REC114: variants seen among roughly 807,000 people sequenced by gnomAD.
The protein encoded by REC114 is REC114 meiotic recombination protein.
Under a neutral mutation model 31.3 loss-of-function variants are expected in REC114, and 27 were observed. The ratio of observed to expected loss-of-function variants is 0.86; its 90% confidence interval spans 0.64 to 1.19. REC114 has a LOEUF of 1.19. Ranked by LOEUF, REC114 falls within the 50% of genes most tolerant of loss-of-function variation. The pLI, the probability that REC114 is intolerant of heterozygous loss-of-function variation, is 0.00. For synonymous variants in REC114, 134 were observed against 127.7 expected (o/e 1.05, Z -0.33); for missense variants, 344 against 326.9 (o/e 1.05, Z -0.40).
At chr15:73,502,156 T>A (rs75560666) in intron 2 of REC114, among the ~76,000 whole-genome samples, 1 of 147,442 alleles carries the variant, frequency 6.8e-6, no homozygotes. Context: ...CCTTGTCTCT[T>A]AAAAAAAAAA....
At chr15:73,464,808 G>C (rs1013886287) in intron 1 of REC114, among the ~76,000 whole-genome samples, 1 of 152,140 alleles carries the variant, frequency 6.6e-6, no homozygotes. Flanking sequence ...CCTGTAGGGG[G>C]AAAACGTCCT....
intron 2 of REC114, among the ~76,000 whole-genome samples, chr15:73,480,782 A>G (rs1469343778): frequency 6.6e-6 from 1 of 152,100 alleles, no homozygotes; most frequent in Non-Finnish European, 1.5e-5. Flanking sequence ...GGTTCAAGCG[A>G]TTCTCCTGCC....
At chr15:73,508,992 T>C (rs1468441967) in intron 2 of REC114, among the ~76,000 whole-genome samples, 2 of 150,476 alleles carry the variant, frequency 1.3e-5, no homozygotes, top group Admixed American at 6.6e-5. Flanking sequence ...ATGGTATTTC[T>C]AGTTCTAGAT....
At chr15:73,508,992 T>G (rs1468441967) in intron 2 of REC114, among the ~76,000 whole-genome samples, 1 of 150,476 alleles carries the variant, frequency 6.6e-6, no homozygotes, top group Non-Finnish European at 1.5e-5. Context: ...ATGGTATTTC[T>G]AGTTCTAGAT....
chr15:73,523,828 A>C (rs958601812), intron 2 of REC114, among the ~76,000 whole-genome samples: 1 of 152,162 alleles, frequency 6.6e-6, no homozygotes. Context: ...CAGCTAGTAC[A>C]TTTAGGTCTA....
At chr15:73,462,357 A>G (rs1040978001) in intron 1 of REC114, among the ~76,000 whole-genome samples, 1 of 152,006 alleles carries the variant, frequency 6.6e-6, no homozygotes. Flanking sequence ...TACCTGGATT[A>G]TGTTAGGTGT....
rs1894558815 is a variant in REC114 at position 73,559,917 on chromosome 15, T to TG, written c.*2dup. 6.2e-7 allele frequency: 1 copy of TG among 1,609,582 alleles called. No individual in the cohort carries two copies. On this transcript the variant is annotated 3_prime_UTR_variant, in exon 6 of 6. Coordinates refer to ENST00000331090, the MANE Select transcript of REC114 (RefSeq NM_001042367.2). ...AAAGCTGGCGGGTTTGAGAAATTAATGCTCTATATACATATATAACTAAGG... is the reference window on the plus strand; with the variant it reads ...AAAGCTGGCGGGTTTGAGAAATTAATGGCTCTATATACATATATAACTAAGG...
At chr15:73,531,400 A>G (rs910204871) in intron 2 of REC114, among the ~76,000 whole-genome samples, 4 of 152,178 alleles carry the variant, frequency 2.6e-5, no homozygotes, top group African/African-American at 7.2e-5. Context: ...TTCATTATGT[A>G]TGATAGCAGG....
intron 1 of REC114, among the ~76,000 whole-genome samples, chr15:73,453,352 A>G (rs1287294985): frequency 6.6e-6 from 1 of 152,244 alleles, no homozygotes; most frequent in Non-Finnish European, 1.5e-5. Context: ...TATGCAGCCA[A>G]CAAATATATG....
intron 2 of REC114, among the ~76,000 whole-genome samples, chr15:73,504,391 T>A (rs1893647022): frequency 6.6e-6 from 1 of 152,152 alleles, no homozygotes; most frequent in Admixed American, 6.5e-5. Flanking sequence ...ATTTTTTTCA[T>A]ATTGATTACC....
intron 2 of REC114, among the ~76,000 whole-genome samples, chr15:73,489,041 A>G (rs7179117): frequency 0.09 from 13,687 of 152,164 alleles, 905 homozygotes; most frequent in African/African-American, 0.18. Context: ...TGGAAAATCC[A>G]GATCAAGGCA....
rs143356635 is a variant in REC114 at position 73,447,848 on chromosome 15, C to T, written c.159+4504C>T. Among the ~76,000 whole-genome samples the T allele has an allele frequency of 4.9e-3, 737 of 151,918 alleles. 6 individuals carry two copies. Among genetic ancestry groups the T allele is most frequent in the African/African-American group, 0.017 (687 of 41,394 alleles). On this transcript the variant is annotated intron_variant, in intron 1 of 5. Transcript: ENST00000331090. Reference sequence around the variant, plus strand: ...TGGGTGCAGGCCATGGGGGGTGAGCCGAAGCAGGGTGGGGCATCACCTCAC... The same window carrying T: ...TGGGTGCAGGCCATGGGGGGTGAGCTGAAGCAGGGTGGGGCATCACCTCAC...
intron 3 of REC114, among the ~76,000 whole-genome samples, chr15:73,543,942 C>CTTTTT (rs34215297): frequency 5.3e-4 from 39 of 74,122 alleles, no homozygotes; most frequent in Admixed American, 7.7e-4. Context: ...TGTTAACTGG[C>CTTTTT]TTTTTTTTTT....
chr15:73,490,764 A>G lies in REC114; in HGVS notation c.249+16843A>G, dbSNP rs931991449. On this transcript the variant is annotated intron_variant, in intron 2 of 5. Coordinates refer to ENST00000331090, the MANE Select transcript of REC114 (RefSeq NM_001042367.2). ...TGAATTTTGATAAATGTATTCAACT[A>G]TATAAACCATCACAATCATGATATG... Among the ~76,000 whole-genome samples, 25 of 152,270 alleles carry G rather than the reference A, an allele frequency of 1.6e-4. No individual in the cohort carries two copies. The South Asian group carries it at 2.5e-3, about 15-fold the overall frequency.
chr15:73,522,629 CTGT>C (rs1893951762), intron 2 of REC114, among the ~76,000 whole-genome samples: 1 of 152,100 alleles, frequency 6.6e-6, no homozygotes, highest in Non-Finnish European at 1.5e-5. Flanking sequence ...TTTTCTCTAA[CTGT>C]TGAGTTGTAT....
At chr15:73,456,531 T>C (rs958890208) in intron 1 of REC114, among the ~76,000 whole-genome samples, 8 of 152,178 alleles carry the variant, frequency 5.3e-5, no homozygotes, top group African/African-American at 1.9e-4. Context: ...TCCTAGTGCC[T>C]ACATAATACC....
chr15:73,525,090 G>A (rs1224859910), intron 2 of REC114, among the ~76,000 whole-genome samples: 1 of 152,208 alleles, frequency 6.6e-6, no homozygotes, highest in East Asian at 1.9e-4. Context: ...AAGTGCAAAG[G>A]TCATGGCAAT....
chr15:73,443,226 C>G lies in REC114; in HGVS notation c.41C>G (p.Thr14Ser), dbSNP rs750671215. ...AGKVPLSLGL[T>S]GGEAAEWPLQ... ...AAAGTGCCCTTGAGCCTCGGGCTTA[C>G]CGGAGGAGAAGCGGCAGAGTGGCCT... is the stretch of plus-strand genomic sequence containing the variant. Residue 14 changes from threonine to serine, a missense_variant, in exon 1 of 6, where the codon ACC (threonine) becomes AGC (serine). Transcript: ENST00000331090. 2 of 1,576,122 alleles carry G rather than the reference C, an allele frequency of 1.3e-6. No homozygotes were observed. Among genetic ancestry groups the G allele is most frequent in the African/African-American group, 1.3e-5 (1 of 74,138 alleles).
At chr15:73,480,605 T>G (rs1429793352) in intron 2 of REC114, among the ~76,000 whole-genome samples, 2 of 151,302 alleles carry the variant, frequency 1.3e-5, no homozygotes, top group Non-Finnish European at 2.9e-5. Context: ...AACGCATTTA[T>G]AACATGTGTA....
Sources: allele counts gnomAD v4.1 joint callset (sites outside exome capture counted in the v4.1 genomes callset), GRCh38; gene constraint gnomAD v4.1.1; transcripts MANE v1.5; gene names NCBI Gene and HGNC (gene_info 2026-07-23, HGNC 2026-07-21).